ERLIN1: variants seen among roughly 807,000 people sequenced by gnomAD.
ERLIN1 encodes the protein erlin-1.
In ERLIN1, 24 loss-of-function variants were observed where a neutral mutation model predicts 46.9. The observed-to-expected ratio is 0.51, with a 90% CI of 0.37 to 0.72. The LOEUF (loss-of-function observed/expected upper bound fraction) is 0.72. Ranked by LOEUF, ERLIN1 falls within the 30% of genes least tolerant of loss-of-function variation. The pLI is 0.00. For synonymous variants in ERLIN1, 158 were observed against 143.2 expected (o/e 1.10, Z -0.74); for missense variants, 293 against 417.9 (o/e 0.70, Z 2.61).
chr10:100,174,352 A>G, intron 5 of ERLIN1, 71 bp from the exon 6 acceptor site: 4 of 1,078,128 alleles, frequency 3.7e-6, no homozygotes, highest in Non-Finnish European at 5.6e-6. Context: ...ATAATGAAAC[A>G]AAACTAATCA....
chr10:100,182,691 A>T (rs1589560601), intron 2 of ERLIN1, among the ~76,000 whole-genome samples: 2 of 152,352 alleles, frequency 1.3e-5, no homozygotes, highest in East Asian at 3.9e-4. Context: ...TATTAAAGAA[A>T]ATAAGACAAA....
At chr10:100,159,243 T>C (rs2134114007) in intron 8 of ERLIN1, among the ~76,000 whole-genome samples, 2 of 152,256 alleles carry the variant, frequency 1.3e-5, no homozygotes, top group East Asian at 3.9e-4. Flanking sequence ...ATAACAATCC[T>C]GAACCTGAAT....
chr10:100,176,823 C>G (rs145614623), intron 4 of ERLIN1, among the ~76,000 whole-genome samples: 82 of 152,230 alleles, frequency 5.4e-4, no homozygotes, highest in African/African-American at 1.9e-3. Context: ...ATATTAGATG[C>G]AACTGGATTT....
At position 100,151,749 on chromosome 10, in the gene ERLIN1, G is replaced by C. The variant is rs1206459083; in HGVS notation, c.*382C>G. The C allele has an allele frequency of 6.3e-6, 2 of 318,094 alleles. No individual in the cohort carries two copies. The highest frequency in any genetic ancestry group is 1.6e-4 in the East Asian group (2 of 12,552). 19.7% of individuals were successfully genotyped at this position (318,094 alleles called of 1,614,324 possible). On this transcript the variant is annotated 3_prime_UTR_variant, in exon 11 of 11. Transcript: ENST00000421367. ...CTCCTTCTCAGTCATCTCTTGAATGGTGGCTGAGCATACATTTCCCCGGGG... is the reference window on the plus strand; with the variant it reads ...CTCCTTCTCAGTCATCTCTTGAATGCTGGCTGAGCATACATTTCCCCGGGG...
At chr10:100,176,183 C>G (rs1477082253) in intron 4 of ERLIN1, 113 bp from the exon 5 acceptor site, 1 of 887,534 alleles carries the variant, frequency 1.1e-6, no homozygotes, top group African/African-American at 1.7e-5. Context: ...AAAGTGCCAA[C>G]AAAATAGTGA....
At chr10:100,173,282 T>C (rs1844105981) in intron 6 of ERLIN1, among the ~76,000 whole-genome samples, 2 of 152,126 alleles carry the variant, frequency 1.3e-5, no homozygotes, top group African/African-American at 4.8e-5. Flanking sequence ...GAAAGGACAC[T>C]AGAGAAGCCT....
At chr10:100,183,262 C>A (rs558809782) in intron 2 of ERLIN1, among the ~76,000 whole-genome samples, 3 of 152,258 alleles carry the variant, frequency 2.0e-5, no homozygotes, top group African/African-American at 7.2e-5. Flanking sequence ...CCCGGGATGC[C>A]ATCAAAATAT....
intron 2 of ERLIN1, among the ~76,000 whole-genome samples, chr10:100,180,111 T>G (rs1216601983): frequency 6.6e-6 from 1 of 152,220 alleles, no homozygotes; most frequent in East Asian, 1.9e-4. Context: ...TTAATAGAAG[T>G]GCTACCACCA....
At chr10:100,185,467 C>T (rs781595940) in intron 1 of ERLIN1, 47 bp downstream of exon 1, 2 of 1,409,670 alleles carry the variant, frequency 1.4e-6, no homozygotes, top group African/African-American at 1.4e-5. Context: ...TCTGGAGTAC[C>T]CTTTTAATCT....
intron 1 of ERLIN1, among the ~76,000 whole-genome samples, chr10:100,184,824 A>G (rs1844868173): frequency 6.6e-6 from 1 of 152,220 alleles, no homozygotes; most frequent in South Asian, 2.1e-4. Context: ...AAACAAGCAA[A>G]AAGTTGACGC....
Position 100,178,137 on chromosome 10 carries a change from A to G in ERLIN1, c.300T>C (p.Tyr100=), listed in dbSNP as rs1450204149. ...ACAGGTAGATGGGTAACATACCTGCATAAGGAGCCAACATATTAACCACTT... is the reference window on the plus strand; with the variant it reads ...ACAGGTAGATGGGTAACATACCTGCGTAAGGAGCCAACATATTAACCACTT... ...RIEVVNMLAP[Y]AVFDIVRNYT... Residue 100 remains tyrosine, a synonymous_variant, in exon 4 of 11, where the codon TAT becomes TAC. Transcript: ENST00000421367. 6.4e-7 allele frequency: 1 copy of G among 1,573,704 alleles called. No homozygotes were observed. Among genetic ancestry groups the G allele is most frequent in the East Asian group, 2.3e-5 (1 of 43,666 alleles).
intron 8 of ERLIN1, among the ~76,000 whole-genome samples, chr10:100,163,727 G>A (rs1843483392): frequency 6.6e-6 from 1 of 152,298 alleles, no homozygotes; most frequent in South Asian, 2.1e-4. Context: ...GCTATCCACA[G>A]ACTCAAGCTG....
At position 100,178,168 on chromosome 10, in the gene ERLIN1, C is replaced by A. The variant is rs779963349; in HGVS notation, c.269G>T (p.Arg90Leu). The change falls in exon 4 of 11, where the codon CGA becomes CTA. Residue 90 changes from arginine (R) to leucine (L), a missense_variant. Coordinates refer to ENST00000421367, the MANE Select transcript of ERLIN1 (RefSeq NM_006459.4). ...TSGGVMIYID[R>L]IEVVNMLAPY... Reference sequence around the variant, plus strand: ...AGCCAACATATTAACCACTTCTATTCGGTCAATATAGATCATGACCCCACC... The same window carrying A: ...AGCCAACATATTAACCACTTCTATTAGGTCAATATAGATCATGACCCCACC... 65 of 1,578,116 alleles carry A rather than the reference C, an allele frequency of 4.1e-5. No individual in the cohort carries two copies. The highest frequency in any genetic ancestry group is 5.1e-5 in the Non-Finnish European group (59 of 1,160,358).
intron 9 of ERLIN1, among the ~76,000 whole-genome samples, 189 bp downstream of exon 9, chr10:100,155,956 C>T (rs959695969): frequency 6.6e-6 from 1 of 152,164 alleles, no homozygotes; most frequent in Non-Finnish European, 1.5e-5. Context: ...CAGTCACAAA[C>T]AAACCCAAAA....
Position 100,174,210 on chromosome 10 carries a change from G to A in ERLIN1, c.502C>T (p.Gln168Ter). ...LNLMAPGLTI[Q>*]AVRVTKPKIP... ...ACTTCCCTAGGAAAAGAACTTACCT[G>A]TATAGTGAGACCTGGGGCCATGAGG... Residue 168 changes from glutamine to a stop codon, truncating the protein, a stop_gained and splice_region_variant, in exon 6 of 11, where the codon CAG (glutamine) becomes TAG (stop). Transcript: ENST00000421367. LOFTEE classifies it high-confidence loss of function. 6.4e-7 allele frequency: 1 copy of A among 1,557,480 alleles called. No homozygotes were observed. Among genetic ancestry groups the A allele is most frequent in the East Asian group, 2.3e-5 (1 of 42,596 alleles).
chr10:100,160,951 A>C (rs1220578171), intron 8 of ERLIN1, among the ~76,000 whole-genome samples: 1 of 152,232 alleles, frequency 6.6e-6, no homozygotes. Flanking sequence ...TGTCTCAAAA[A>C]AATTCTGAAA....
At chr10:100,155,125 A>G (rs1843003764) in intron 9 of ERLIN1, among the ~76,000 whole-genome samples, 186 bp from the exon 10 acceptor site, 1 of 152,186 alleles carries the variant, frequency 6.6e-6, no homozygotes, top group African/African-American at 2.4e-5. Flanking sequence ...ACTGTCAAAT[A>G]ACTCTCAGCT....
At position 100,183,819 on chromosome 10, in the gene ERLIN1, A is replaced by C. The variant is rs761968744; in HGVS notation, c.132T>G (p.Thr44=). 1 of 1,612,910 alleles carries C rather than the reference A, an allele frequency of 6.2e-7. No homozygotes were observed. Among genetic ancestry groups the C allele is most frequent in the Non-Finnish European group, 8.5e-7 (1 of 1,178,936 alleles). Residue 44 remains threonine, a synonymous_variant, in exon 2 of 11, where the codon ACT becomes ACG. Transcript: ENST00000421367. ...TATGATAGCCTGGTCCACTGGGGCT[A>C]GTTAGTAAAGCTCCTCCCCTGCAAA... ...AVYYRGGALL[T]SPSGPGYHIM... is the part of the protein sequence containing the mutation.
chr10:100,155,491 C>T (rs1370786643), intron 9 of ERLIN1, among the ~76,000 whole-genome samples: 1 of 151,508 alleles, frequency 6.6e-6, no homozygotes, highest in African/African-American at 2.4e-5. Flanking sequence ...AGAAACTGGT[C>T]GTGATGGGGT....
Sources: allele counts gnomAD v4.1 joint callset (sites outside exome capture counted in the v4.1 genomes callset), GRCh38; gene constraint gnomAD v4.1.1; transcripts MANE v1.5; gene names NCBI Gene and HGNC (gene_info 2026-07-23, HGNC 2026-07-21).